Variants in CUX1 observed in about 807,000 individuals in gnomAD.
The protein encoded by CUX1 is protein CASP.
Under a neutral mutation model 158.8 loss-of-function variants are expected in CUX1, and 31 were observed. That is an observed-to-expected ratio of 0.20 (90% CI 0.15 to 0.26). CUX1 has a LOEUF of 0.26. Ranked by LOEUF, CUX1 falls within the 10% of genes least tolerant of loss-of-function variation. The pLI is 1.00. For synonymous variants in CUX1, 879 were observed against 862.1 expected, an observed-to-expected ratio of 1.02 and a Z score of -0.34; for missense variants, 1,589 against 2,014.6, an observed-to-expected ratio of 0.79 and a Z score of 4.04.
chr7:101,837,142 A>T (rs1000054437), intron 1 of CUX1, among the ~76,000 whole-genome samples: 1 of 152,146 alleles, frequency 6.6e-6, no homozygotes, highest in Admixed American at 6.6e-5. Flanking sequence ...TTTGAGATGC[A>T]CTTGTCCGGG....
intron 2 of CUX1, among the ~76,000 whole-genome samples, chr7:102,024,217 C>T (rs1407281538): frequency 1.3e-5 from 2 of 152,262 alleles, no homozygotes; most frequent in Non-Finnish European, 2.9e-5. Flanking sequence ...GCTCTGCCCT[C>T]TTCCATTTCT....
In CUX1 at chr7:102,257,169, A is replaced by C. The variant is rs1789988035; in HGVS notation, c.*8127A>C. The C allele has an allele frequency of 1.0e-6, 1 of 985,238 alleles. No homozygotes were observed. The highest frequency in any genetic ancestry group is 1.2e-6 in the Non-Finnish European group (1 of 829,898). 61.0% of individuals were successfully genotyped at this position (985,238 alleles called of 1,614,324 possible). ...CCAGGCCAAGGCAAGGGCCCTGCTC[A>C]CCCCAAGGTAGGCTGGGAAGAGCAT... is the stretch of plus-strand genomic sequence containing the variant. On this transcript the variant is annotated 3_prime_UTR_variant, in exon 24 of 24. Transcript: ENST00000292535.
At chr7:101,919,723 G>A (rs564010502) in intron 2 of CUX1, among the ~76,000 whole-genome samples, 1 of 152,350 alleles carries the variant, frequency 6.6e-6, no homozygotes, top group South Asian at 2.1e-4. Context: ...AGGGTTCAGT[G>A]GGGAGTAAAG....
At chr7:102,244,738 G>A (rs1280110830) in intron 23 of CUX1, among the ~76,000 whole-genome samples, 2 of 152,074 alleles carry the variant, frequency 1.3e-5, no homozygotes, top group East Asian at 3.9e-4. Flanking sequence ...CAGGATTGAT[G>A]ACGAGATTGC....
intron 2 of CUX1, among the ~76,000 whole-genome samples, chr7:101,918,144 G>T (rs1387326159): frequency 1.3e-5 from 2 of 152,216 alleles, no homozygotes; most frequent in African/African-American, 4.8e-5. Flanking sequence ...CTTCCTGGGT[G>T]TTCCTCAGAA....
chr7:101,928,910 T>TCCA (rs1292268655), intron 2 of CUX1, among the ~76,000 whole-genome samples: 4 of 151,294 alleles, frequency 2.6e-5, no homozygotes, highest in African/African-American at 9.7e-5. Context: ...GACCTCGTGA[T>TCCA]CCACCCGCCT....
chr7:101,828,854 G>T (rs1047277342), intron 1 of CUX1, among the ~76,000 whole-genome samples: 1 of 152,164 alleles, frequency 6.6e-6, no homozygotes, highest in African/African-American at 2.4e-5. Context: ...GCCCATTGCG[G>T]GTGGCTGATG....
intron 20 of CUX1, among the ~76,000 whole-genome samples, chr7:102,210,738 T>C (rs1182451024): frequency 1.3e-5 from 2 of 152,170 alleles, no homozygotes; most frequent in Non-Finnish European, 2.9e-5. Context: ...CAACAGAGTA[T>C]CAGTTGCCTC....
At chr7:101,817,288 G>T, upstream of CUX1, 3 of 984,942 alleles carry the variant, frequency 3.0e-6, no homozygotes, top group Non-Finnish European at 2.4e-6. The surrounding 1 kb of genome is among the most constrained non-coding windows in gnomAD (Gnocchi z 4.1). Flanking sequence ...TGCGGCGCCG[G>T]GTCCCTTCCT....
In CUX1 at chr7:101,996,534, A is replaced by T. The variant is rs114142219; in HGVS notation, c.142-31564A>T. ...AGCAGACCTGGGGGTGGCGGTACTG[A>T]GGCAGAGGCAGGCGCACAGTGGTTT... On this transcript the variant is annotated intron_variant, in intron 2 of 23. Coordinates refer to ENST00000292535, the MANE Select transcript of CUX1 (RefSeq NM_181552.4). 5.3e-3 allele frequency among the ~76,000 whole-genome samples: 804 copies of T among 152,082 alleles called. 17 individuals are homozygous for T. Among genetic ancestry groups the T allele is most frequent in the African/African-American group, 0.019 (782 of 41,390 alleles).
intron 4 of CUX1, among the ~76,000 whole-genome samples, chr7:102,093,833 C>T (rs1488927505): frequency 6.6e-6 from 1 of 152,114 alleles, no homozygotes; most frequent in Non-Finnish European, 1.5e-5. Context: ...GGCAGGAAAG[C>T]GTGTTGAATC....
intron 8 of CUX1, among the ~76,000 whole-genome samples, chr7:102,135,842 G>A (rs1833846091): frequency 6.6e-6 from 1 of 151,852 alleles, no homozygotes; most frequent in South Asian, 2.1e-4. Context: ...TGGTGTGGTG[G>A]CGCGTGCCTA....
intron 9 of CUX1, among the ~76,000 whole-genome samples, chr7:102,159,598 C>T (rs566715664): frequency 4.3e-4 from 65 of 152,360 alleles, no homozygotes; most frequent in African/African-American, 1.2e-3. Flanking sequence ...CAGTGGCTCA[C>T]GCCTGTAATC....
intron 2 of CUX1, among the ~76,000 whole-genome samples, chr7:102,002,148 T>A (rs908606010): frequency 5.9e-5 from 9 of 152,002 alleles, no homozygotes; most frequent in African/African-American, 2.2e-4. Flanking sequence ...ATATATTTTT[T>A]AAAAAGCTGA....
chr7:101,976,962 G>C (rs1317759613), intron 2 of CUX1, among the ~76,000 whole-genome samples: 1 of 121,874 alleles, frequency 8.2e-6, no homozygotes, highest in African/African-American at 3.2e-5. Context: ...ACCCAGGCTG[G>C]AGTGTCGTGG....
chr7:102,154,887 AGT>A (rs1554504662), intron 8 of CUX1, among the ~76,000 whole-genome samples: 1 of 152,202 alleles, frequency 6.6e-6, no homozygotes, highest in East Asian at 1.9e-4. Context: ...ACCCACATTC[AGT>A]GTCTCTTCAC....
At chr7:102,127,848 G>GTTTGT (rs1554495862) in intron 8 of CUX1, among the ~76,000 whole-genome samples, 1 of 125,516 alleles carries the variant, frequency 8.0e-6, no homozygotes, top group Non-Finnish European at 1.7e-5. Flanking sequence ...TTGTTTGTTT[G>GTTTGT]TTTGTTTTGT....
At chr7:101,998,985 G>C (rs1029717626) in intron 2 of CUX1, among the ~76,000 whole-genome samples, 1 of 152,044 alleles carries the variant, frequency 6.6e-6, no homozygotes, top group East Asian at 1.9e-4. Flanking sequence ...TTCCCTCCTC[G>C]GGCAGGAGCC....
intron 18 of CUX1, among the ~76,000 whole-genome samples, chr7:102,202,815 A>G (rs1215662588): frequency 2.0e-5 from 3 of 152,160 alleles, no homozygotes; most frequent in East Asian, 3.9e-4. Context: ...GTGTTTCCCT[A>G]TCATCCTTCC....
Sources: allele counts gnomAD v4.1 joint callset (sites outside exome capture counted in the v4.1 genomes callset), GRCh38; gene constraint gnomAD v4.1.1; non-coding constraint Gnocchi (gnomAD v3.1); transcripts MANE v1.5; gene names NCBI Gene and HGNC (gene_info 2026-07-23, HGNC 2026-07-21).